The following SEC16A variants were observed in gnomAD, a reference collection of about 807,000 sequenced individuals.
SEC16A encodes protein transport protein Sec16A.
A neutral mutation model predicts 221.9 loss-of-function variants in SEC16A; 110 were observed. That is an observed-to-expected ratio of 0.50 (90% CI 0.42 to 0.58). The LOEUF (loss-of-function observed/expected upper bound fraction) is 0.58. Ranked by LOEUF, SEC16A falls within the 20% of genes least tolerant of loss-of-function variation. The pLI, the probability that SEC16A is intolerant of heterozygous loss-of-function variation, is 0.00. For missense variants in SEC16A, 3,165 were observed against 3,097.8 expected (o/e 1.02, Z -0.52); for synonymous variants, 1,393 against 1,257.7 (o/e 1.11, Z -2.28).
chr9:136,476,806 A>G lies in SEC16A; in HGVS notation c.810T>C (p.Ala270=), dbSNP rs1589013403. ...CGTCACTGGGCAAGGCTGCTGGGGG[A>G]GCCACCAGAGGGCTGTGTTGCTCAT... ...PGHEQHSPLV[A]PPAALPSDGR... The change falls in exon 3 of 32, where the codon GCT becomes GCC. Residue 270 remains alanine, a synonymous_variant. Coordinates refer to ENST00000684901, the MANE Select transcript of SEC16A (RefSeq NM_014866.2). 1.9e-6 allele frequency: 3 copies of G among 1,610,416 alleles called. No homozygotes were observed. The highest frequency in any genetic ancestry group is 2.5e-6 in the Non-Finnish European group (3 of 1,177,858).
intron 28 of SEC16A, among the ~76,000 whole-genome samples, chr9:136,446,052 G>A (rs1355871350): frequency 6.6e-6 from 1 of 151,650 alleles, no homozygotes; most frequent in East Asian, 1.9e-4. Flanking sequence ...GATGAATGGA[G>A]AACAGGATTA....
At chr9:136,483,290 C>A (rs1253745735), upstream of SEC16A, among the ~76,000 whole-genome samples, 5 of 125,754 alleles carry the variant, frequency 4.0e-5, no homozygotes, top group African/African-American at 5.9e-5. Flanking sequence ...GTCCCGCCCC[C>A]CGCCCGTCTT....
At chr9:136,483,428 T>TG, upstream of SEC16A, 9 of 798,750 alleles carry the variant, frequency 1.1e-5, no homozygotes, top group Non-Finnish European at 1.3e-5. Flanking sequence ...ATCCTGTCGT[T>TG]CCCGCCCCTT....
intron 2 of SEC16A, among the ~76,000 whole-genome samples, chr9:136,478,436 A>G (rs1841930802): frequency 6.6e-6 from 1 of 151,892 alleles, no homozygotes; most frequent in South Asian, 2.1e-4. Context: ...ACTTTATATC[A>G]TACTTTCCAT....
At position 136,445,647 on chromosome 9, in the gene SEC16A, C is replaced by T. The variant is rs1284575296; in HGVS notation, c.6865G>A (p.Glu2289Lys). Residue 2289 changes from glutamate (E) to lysine (K), a missense_variant and splice_region_variant, in exon 29 of 32, where the codon GAG becomes AAG. Physicochemically the swap from Glu to Lys is moderately conservative, Grantham distance 56 (BLOSUM62 1). Transcript: ENST00000684901. ...SSRPEGSQGG[E>K]LSRCSSMSSL... Reference sequence around the variant, plus strand: ...GCCCTGGCGTCGGCACTCCTTACCTCTCCTCCCTGGGAACCCTCAGGCCTG... The same window carrying T: ...GCCCTGGCGTCGGCACTCCTTACCTTTCCTCCCTGGGAACCCTCAGGCCTG... The T allele has an allele frequency of 6.4e-7, 1 of 1,550,428 alleles. No individual in the cohort carries two copies. Among genetic ancestry groups the T allele is most frequent in the South Asian group, 1.2e-5 (1 of 84,036 alleles).
chr9:136,462,845 T>C, intron 12 of SEC16A, 42 bp downstream of exon 12: 2 of 1,588,810 alleles, frequency 1.3e-6, no homozygotes, highest in Non-Finnish European at 8.5e-7. Context: ...CCCGACCCAG[T>C]GGACATGTGC....
chr9:136,448,896 A>G, intron 23 of SEC16A: 1 of 692,834 alleles, frequency 1.4e-6, no homozygotes, highest in Non-Finnish European at 2.7e-6. Flanking sequence ...TCAAGGAGAC[A>G]GAGTTTCTGT....
intron 28 of SEC16A, among the ~76,000 whole-genome samples, chr9:136,446,104 G>GTT (rs900305729): frequency 2.2e-4 from 30 of 135,088 alleles, no homozygotes; most frequent in Middle Eastern, 3.4e-3. Flanking sequence ...GTCTGAGCTG[G>GTT]TTTTTTTTTT....
upstream of SEC16A, chr9:136,483,054 G>C (rs1258801693): frequency 1.0e-6 from 1 of 981,734 alleles, no homozygotes; most frequent in East Asian, 1.1e-4. Flanking sequence ...TCGGGTCTCC[G>C]CGGCCGCCGC....
At chr9:136,455,545 C>G in intron 20 of SEC16A, 56 bp downstream of exon 20, 1 of 1,474,276 alleles carries the variant, frequency 6.8e-7, no homozygotes, top group South Asian at 1.3e-5. Flanking sequence ...GGCCATGGCT[C>G]AGCCCACAGG....
intron 1 of SEC16A, among the ~76,000 whole-genome samples, chr9:136,481,216 G>A (rs1159664842): frequency 1.4e-5 from 2 of 146,506 alleles, no homozygotes; most frequent in South Asian, 4.3e-4. Context: ...CTCACTGCAG[G>A]CTCCGCCCCC....
In SEC16A at chr9:136,476,258, C is replaced by T; in HGVS notation, c.1358G>A (p.Gly453Asp). ...GTTCTCAACATTCTCATACTGCGAG[C>T]CGCTGGCATCCGGCACCCCTGTGCT... ...TASTGVPDAS[G>D]SQYENVENLE... The change falls in exon 3 of 32, where the codon GGC becomes GAC. Residue 453 changes from glycine to aspartate, a missense_variant. Physicochemically the swap from Gly to Asp is moderately conservative, Grantham distance 94. Around this residue, in one of 3 missense-constraint regions of SEC16A, gnomAD observed 2,030 missense variants for 1,923.1 expected, o/e 1.06. Coordinates refer to ENST00000684901, the MANE Select transcript of SEC16A (RefSeq NM_014866.2). 2 of 1,613,410 alleles carry T rather than the reference C, an allele frequency of 1.2e-6. No homozygotes were observed. Among genetic ancestry groups the T allele is most frequent in the Non-Finnish European group, 8.5e-7 (1 of 1,179,886 alleles).
intron 3 of SEC16A, among the ~76,000 whole-genome samples, chr9:136,473,325 GTA>G (rs1458685838): frequency 6.6e-6 from 1 of 152,260 alleles, no homozygotes; most frequent in Non-Finnish European, 1.5e-5. Flanking sequence ...CCCAATCGGT[GTA>G]TGTTGAACTG....
At position 136,447,060 on chromosome 9, in the gene SEC16A, T is replaced by C. The variant is rs541014966; in HGVS notation, c.6698-111A>G. The stretch of plus-strand genomic sequence containing the variant: ...TCACACTGCACACGCGGCACACTCA[T>C]GCAGAAACAGGCAAATCAAAAAAAA... On this transcript the variant is annotated intron_variant, in intron 27 of 31. Transcript: ENST00000684901. The surrounding 1 kb of genome is among the most constrained non-coding windows in gnomAD (Gnocchi z 5.5). 6 of 1,558,628 alleles carry C rather than the reference T, an allele frequency of 3.8e-6. No homozygotes were observed. Among genetic ancestry groups the C allele is most frequent in the South Asian group, 2.4e-5 (2 of 83,484 alleles).
intron 21 of SEC16A, among the ~76,000 whole-genome samples, 158 bp from the exon 22 acceptor site, chr9:136,453,668 A>C (rs1024617836): frequency 2.6e-5 from 4 of 152,238 alleles, no homozygotes; most frequent in African/African-American, 7.2e-5. Context: ...ACATGTGTGC[A>C]CACTCTTTCA....
intron 31 of SEC16A, among the ~76,000 whole-genome samples, chr9:136,443,248 G>C (rs1836457139): frequency 6.6e-6 from 1 of 152,226 alleles, no homozygotes; most frequent in African/African-American, 2.4e-5. Flanking sequence ...CCACACGGGA[G>C]CACGGCGGGC....
intron 20 of SEC16A, 86 bp from the exon 21 acceptor site, chr9:136,454,413 A>C: frequency 3.2e-6 from 4 of 1,265,112 alleles, no homozygotes; most frequent in Non-Finnish European, 2.3e-6. Context: ...CGTGTTTATG[A>C]CAAGTTATTT....
rs987557271 is a variant in SEC16A, at chr9:136,441,279, AG to A, written c.*475del. ...GGCGAGGGCCCAGATGGTGCAGAGC[AG>A]GGGTTGGGGTCTGCCTCAGTCACCC... On this transcript the variant is annotated 3_prime_UTR_variant, in exon 32 of 32. Transcript: ENST00000684901. The A allele has an allele frequency of 6.0e-5, 11 of 182,560 alleles. No homozygotes were observed. The highest frequency in any genetic ancestry group is 1.2e-4 in the Non-Finnish European group (10 of 84,674). 11.3% of individuals were successfully genotyped at this position (182,560 alleles called of 1,614,324 possible).
chr9:136,464,704 T>A, intron 8 of SEC16A, 142 bp from the exon 9 acceptor site: 1 of 715,592 alleles, frequency 1.4e-6, no homozygotes, highest in South Asian at 2.0e-5. Context: ...GGTAATTGTT[T>A]AATATCATAC....
Sources: gnomAD v4.1 joint callset for allele counts (sites outside exome capture counted in the v4.1 genomes callset) on GRCh38, gnomAD v4.1.1 for gene constraint, gnomAD v4.1.1 regional missense constraint, Gnocchi (gnomAD v3.1) non-coding constraint, MANE v1.5 for transcripts, NCBI Gene and HGNC (gene_info 2026-07-23, HGNC 2026-07-21) for gene names.